DOCK3: variants seen among roughly 807,000 people sequenced by gnomAD.
The protein encoded by DOCK3 is dedicator of cytokinesis 3.
DOCK3 carries 60 observed loss-of-function variants against 265.6 expected under a neutral mutation model. That is an observed-to-expected ratio of 0.23 (90% CI 0.18 to 0.28). The LOEUF is 0.28. Among genes scored for constraint, DOCK3 ranks in the 10% least tolerant of loss-of-function variants. The pLI, the probability that DOCK3 is intolerant of heterozygous loss-of-function variation, is 1.00. For synonymous variants in DOCK3, 881 were observed against 938.0 expected (o/e 0.94, Z 1.11); for missense variants, 1,981 against 2,594.3 (o/e 0.76, Z 5.14).
At chr3:51,328,796 G>C (rs2084324076) in intron 32 of DOCK3, among the ~76,000 whole-genome samples, 1 of 152,074 alleles carries the variant, frequency 6.6e-6, no homozygotes, top group Non-Finnish European at 1.5e-5. Context: ...ATTTCATGCA[G>C]CCATACCATG....
At chr3:51,118,726 C>CT (rs1254179105) in intron 9 of DOCK3, among the ~76,000 whole-genome samples, 1 of 151,258 alleles carries the variant, frequency 6.6e-6, no homozygotes, top group Non-Finnish European at 1.5e-5. Context: ...CCTGCTTTGT[C>CT]TTTTTTTTAT....
chr3:51,340,312 G>A (rs1419108358), intron 37 of DOCK3, among the ~76,000 whole-genome samples: 2 of 152,224 alleles, frequency 1.3e-5, no homozygotes, highest in Non-Finnish European at 1.5e-5. Context: ...AAGCTCCAGA[G>A]GGAGGCCCTG....
intron 38 of DOCK3, among the ~76,000 whole-genome samples, chr3:51,347,875 C>G (rs2085697957): frequency 6.6e-6 from 1 of 152,200 alleles, no homozygotes; most frequent in South Asian, 2.1e-4. Context: ...AGCTGGATTC[C>G]TAGGTATTTT....
intron 27 of DOCK3, among the ~76,000 whole-genome samples, chr3:51,295,635 C>T (rs2219891): frequency 0.82 from 125,046 of 152,176 alleles, 51,961 homozygotes; most frequent in Middle Eastern, 0.9. Context: ...TTATAAAGGG[C>T]ATCTATGAAA....
At chr3:51,086,669 A>G (rs1002015452) in intron 7 of DOCK3, among the ~76,000 whole-genome samples, 2 of 152,130 alleles carry the variant, frequency 1.3e-5, no homozygotes, top group Admixed American at 6.5e-5. Flanking sequence ...ATGGTGGCAC[A>G]TATCTGTAAT....
At chr3:51,185,217 A>G (rs2087526476) in intron 12 of DOCK3, among the ~76,000 whole-genome samples, 1 of 152,212 alleles carries the variant, frequency 6.6e-6, no homozygotes, top group Non-Finnish European at 1.5e-5. Context: ...ATAGTAAATT[A>G]TCAGTATTGG....
chr3:51,373,842 C>T (rs1231422039), intron 49 of DOCK3, among the ~76,000 whole-genome samples: 2 of 152,184 alleles, frequency 1.3e-5, no homozygotes, highest in Admixed American at 6.5e-5. Context: ...GAGCCCTGGC[C>T]CCCAGCCAGC....
At chr3:51,015,558 A>G (rs997264107) in intron 5 of DOCK3, among the ~76,000 whole-genome samples, 3 of 150,410 alleles carry the variant, frequency 2.0e-5, no homozygotes, top group Non-Finnish European at 4.4e-5. Context: ...TTTTGTGTCA[A>G]TATTTATCAG....
At chr3:51,216,645 G>GT (rs2089804636) in intron 14 of DOCK3, among the ~76,000 whole-genome samples, 1 of 152,212 alleles carries the variant, frequency 6.6e-6, no homozygotes. Flanking sequence ...GTTGTGGGCT[G>GT]TTAGCAACTT....
At chr3:51,234,842 C>T (rs1259342452) in intron 19 of DOCK3, among the ~76,000 whole-genome samples, 1 of 152,166 alleles carries the variant, frequency 6.6e-6, no homozygotes. Context: ...TTCCCCTTAG[C>T]TCAATAAAAA....
At chr3:50,832,325 C>A (rs553570001) in intron 2 of DOCK3, among the ~76,000 whole-genome samples, 1 of 152,272 alleles carries the variant, frequency 6.6e-6, no homozygotes, top group South Asian at 2.1e-4. Flanking sequence ...GACTAAAACA[C>A]CAAAAGCAAT....
At chr3:51,074,812 C>T (rs1211979334) in intron 6 of DOCK3, among the ~76,000 whole-genome samples, 2 of 150,936 alleles carry the variant, frequency 1.3e-5, no homozygotes, top group Non-Finnish European at 3.0e-5. Context: ...GCACATCCTG[C>T]GTAACAAACC....
chr3:51,014,920 C>A (rs2079092224), intron 5 of DOCK3, among the ~76,000 whole-genome samples: 2 of 151,984 alleles, frequency 1.3e-5, no homozygotes, highest in East Asian at 3.8e-4. Flanking sequence ...GGATTATTTT[C>A]TTGATTTCCT....
intron 5 of DOCK3, among the ~76,000 whole-genome samples, chr3:51,053,078 GATATATATATAT>G (rs59382660): frequency 0.024 from 1,045 of 43,810 alleles, 56 homozygotes; most frequent in East Asian, 0.058. Context: ...AAAAGTCAAA[GATATATATATAT>G]ATATATATAT....
At chr3:51,373,754 C>T (rs2087867354) in intron 49 of DOCK3, among the ~76,000 whole-genome samples, 1 of 152,162 alleles carries the variant, frequency 6.6e-6, no homozygotes, top group Non-Finnish European at 1.5e-5. Context: ...CCATAATTTC[C>T]ACATTAGTTC....
chr3:51,157,594 T>C (rs1481604845), intron 10 of DOCK3, among the ~76,000 whole-genome samples: 3 of 152,130 alleles, frequency 2.0e-5, no homozygotes, highest in African/African-American at 7.2e-5. Flanking sequence ...TTTAAGGCCA[T>C]TTAATAGGGC....
At position 51,063,214 on chromosome 3, in the gene DOCK3, CA is replaced by C. The variant is rs34997366; in HGVS notation, c.316-1222del. Among the ~76,000 whole-genome samples the C allele has an allele frequency of 6.7e-4, 97 of 145,072 alleles. 1 individual carries two copies. The highest frequency in any genetic ancestry group is 2.0e-3 in the Admixed American group (29 of 14,502). On this transcript the variant is annotated intron_variant, in intron 5 of 52. Coordinates refer to ENST00000266037, the MANE Select transcript of DOCK3 (RefSeq NM_004947.5). ...CCTGGGCAACATATCAAGACTCTAT[CA>C]AAAAAAAAAAATATTAGCCAGGCCT...
At chr3:51,328,348 G>A (rs1158894988) in intron 32 of DOCK3, among the ~76,000 whole-genome samples, 1 of 152,086 alleles carries the variant, frequency 6.6e-6, no homozygotes, top group African/African-American at 2.4e-5. Context: ...TCTCTTGGGG[G>A]CCTTTTAGCC....
At chr3:50,738,429 C>G (rs2038788013) in intron 1 of DOCK3, among the ~76,000 whole-genome samples, 2 of 152,146 alleles carry the variant, frequency 1.3e-5, no homozygotes, top group South Asian at 2.1e-4. Flanking sequence ...GACCTAGAAC[C>G]AGGGTTGGCC....
Sources: allele counts gnomAD v4.1 joint callset (sites outside exome capture counted in the v4.1 genomes callset), GRCh38; gene constraint gnomAD v4.1.1; transcripts MANE v1.5; gene names NCBI Gene and HGNC (gene_info 2026-07-23, HGNC 2026-07-21).